AGMO: variants seen among roughly 807,000 people sequenced by gnomAD.
AGMO encodes glyceryl-ether monooxygenase.
Under a neutral mutation model 60.2 loss-of-function variants are expected in AGMO, and 75 were observed. The ratio of observed to expected loss-of-function variants is 1.25; its 90% CI spans 1.03 to 1.51. The LOEUF is 1.51. Ranked by LOEUF, AGMO falls within the 40% of genes most tolerant of loss-of-function variation. The probability of loss-of-function intolerance (pLI) is 0.00; values close to 1 mark genes in which losing one functional copy is unlikely to be tolerated. For synonymous variants in AGMO, 261 were observed against 177.1 expected (o/e 1.47, Z -3.76); for missense variants, 763 against 525.5 (o/e 1.45, Z -4.42).
chr7:15,208,023 A>T (rs1781485811), intron 12 of AGMO, among the ~76,000 whole-genome samples: 1 of 152,228 alleles, frequency 6.6e-6, no homozygotes, highest in African/African-American at 2.4e-5. Flanking sequence ...AGAGACAACC[A>T]AACTTGATTA....
chr7:15,403,300 G>A (rs1784603708), intron 5 of AGMO, among the ~76,000 whole-genome samples: 1 of 151,798 alleles, frequency 6.6e-6, no homozygotes, highest in African/African-American at 2.4e-5. Flanking sequence ...GGTTATTACT[G>A]AAGAGAATTT....
intron 12 of AGMO, among the ~76,000 whole-genome samples, chr7:15,349,851 A>G (rs62450349): frequency 0.03 from 4,639 of 152,166 alleles, 93 homozygotes; most frequent in Admixed American, 0.05. Context: ...CATGAGAACA[A>G]GATGGGAGTA....
At chr7:15,322,431 T>G (rs1021437159) in intron 12 of AGMO, among the ~76,000 whole-genome samples, 1 of 127,794 alleles carries the variant, frequency 7.8e-6, no homozygotes, top group Non-Finnish European at 1.6e-5. Context: ...TATACCTGTG[T>G]GTGTATATAT....
rs371038077 is a variant in AGMO at position 15,533,799 on chromosome 7, T to C, written c.409+10973A>G. ...GGTGTATTTTTCCGGGGCTCTTCTG[T>C]TCTGTTTGTTTAACTCACAGTATAA... On this transcript the variant is annotated intron_variant, in intron 3 of 12. Coordinates refer to ENST00000342526, the MANE Select transcript of AGMO (RefSeq NM_001004320.2). Among the ~76,000 whole-genome samples the C allele has an allele frequency of 4.6e-5, 7 of 152,272 alleles. No individual in the cohort carries two copies. The East Asian group carries it at 1.2e-3, about 25-fold the overall frequency.
At chr7:15,362,795 A>T (rs116445318) in intron 12 of AGMO, among the ~76,000 whole-genome samples, 308 of 152,322 alleles carry the variant, frequency 2.0e-3, no homozygotes, top group African/African-American at 6.8e-3. Flanking sequence ...AGTTAAATTG[A>T]TAAGACATTT....
intron 3 of AGMO, among the ~76,000 whole-genome samples, chr7:15,535,605 C>T (rs1039669295): frequency 6.6e-6 from 1 of 151,772 alleles, no homozygotes; most frequent in African/African-American, 2.4e-5. Context: ...TTTCTTCCCT[C>T]GTTAGGATGT....
intron 12 of AGMO, among the ~76,000 whole-genome samples, chr7:15,336,936 T>C (rs1042867007): frequency 3.3e-5 from 5 of 152,328 alleles, no homozygotes; most frequent in Middle Eastern, 3.4e-3. Context: ...CTTTTAAAGT[T>C]CATGAACTTC....
At chr7:15,546,834 T>C (rs1003874831) in intron 2 of AGMO, among the ~76,000 whole-genome samples, 1 of 152,186 alleles carries the variant, frequency 6.6e-6, no homozygotes, top group Non-Finnish European at 1.5e-5. Context: ...CTTTTGCATG[T>C]TCAGATGAGG....
intron 2 of AGMO, among the ~76,000 whole-genome samples, chr7:15,556,219 G>GTTTTTTTTTTTTTTTTTTT (rs71004394): frequency 1.1e-5 from 1 of 91,506 alleles, no homozygotes; most frequent in Non-Finnish European, 2.2e-5. Context: ...CTCCTTTTTA[G>GTTTTTTTTTTTTTTTTTTT]TTTTTTTTTT....
At chr7:15,226,769 G>A (rs1313646383) in intron 12 of AGMO, among the ~76,000 whole-genome samples, 3 of 151,894 alleles carry the variant, frequency 2.0e-5, no homozygotes, top group Non-Finnish European at 4.4e-5. Context: ...TATTTCATGG[G>A]GACAACACTG....
chr7:15,560,891 T>C (rs1785285252), intron 1 of AGMO, among the ~76,000 whole-genome samples: 1 of 152,194 alleles, frequency 6.6e-6, no homozygotes. Context: ...TTTGGTTTGA[T>C]ATTGCAGTAT....
At chr7:15,135,144 AAATTT>A in the AGMO span, among the ~76,000 whole-genome samples, 3 of 141,146 alleles carry the variant, frequency 2.1e-5, no homozygotes, top group South Asian at 2.4e-4. Flanking sequence ...TAGCTAATCA[AAATTT>A]ATTTATATGA....
chr7:15,317,697 G>C (rs1780968142), intron 12 of AGMO, among the ~76,000 whole-genome samples: 5 of 151,956 alleles, frequency 3.3e-5, no homozygotes, highest in Admixed American at 3.3e-4. Flanking sequence ...TTTCCAAAGA[G>C]ATTCAGAAGT....
At chr7:15,205,870 T>G (rs1270431520) in intron 12 of AGMO, among the ~76,000 whole-genome samples, 1 of 152,128 alleles carries the variant, frequency 6.6e-6, no homozygotes, top group Non-Finnish European at 1.5e-5. Flanking sequence ...GAAAAATTGT[T>G]TCTGTAGTAT....
At chr7:15,529,564 T>C (rs545403292) in intron 3 of AGMO, among the ~76,000 whole-genome samples, 1 of 120,800 alleles carries the variant, frequency 8.3e-6, no homozygotes, top group Non-Finnish European at 1.7e-5. Flanking sequence ...AGAATATATA[T>C]TCTATATATA....
chr7:15,417,426 G>A (rs192244098), intron 5 of AGMO, among the ~76,000 whole-genome samples: 17 of 152,208 alleles, frequency 1.1e-4, no homozygotes, highest in African/African-American at 3.6e-4. Flanking sequence ...TACCTGACCC[G>A]ACACATGGCG....
intron 12 of AGMO, among the ~76,000 whole-genome samples, chr7:15,360,651 G>C (rs1782714574): frequency 6.6e-6 from 1 of 150,510 alleles, no homozygotes. Context: ...AGGTGGAGGA[G>C]GTGGATGAGG....
the AGMO span, among the ~76,000 whole-genome samples, chr7:15,122,670 T>C: frequency 1.3e-5 from 2 of 152,264 alleles, no homozygotes; most frequent in African/African-American, 4.8e-5. Context: ...TTGAGTCTTC[T>C]ATTTCTCTAA....
chr7:15,432,178 A>G (rs1437789780), intron 3 of AGMO, among the ~76,000 whole-genome samples: 1 of 151,576 alleles, frequency 6.6e-6, no homozygotes, highest in Admixed American at 6.6e-5. Context: ...TTGGATGTAT[A>G]GGAACTAAAC....
Sources: allele counts gnomAD v4.1 joint callset (sites outside exome capture counted in the v4.1 genomes callset), GRCh38; gene constraint gnomAD v4.1.1; transcripts MANE v1.5; gene names NCBI Gene and HGNC (gene_info 2026-07-23, HGNC 2026-07-21).